Variants in N4BP2 observed in about 807,000 individuals in gnomAD.
N4BP2 encodes the protein NEDD4 binding protein 2.
A neutral mutation model predicts 152.8 loss-of-function variants in N4BP2; 91 were observed. That is an observed-to-expected ratio of 0.60 (90% CI 0.50 to 0.71). The LOEUF (loss-of-function observed/expected upper bound fraction) is 0.71. N4BP2 is among the 30% of genes least tolerant of loss of function. N4BP2 has a pLI of 0.00. For missense variants in N4BP2, 1,923 were observed against 2,059.1 expected, an observed-to-expected ratio of 0.93 and a Z score of 1.28; for synonymous variants, 646 against 705.3, an observed-to-expected ratio of 0.92 and a Z score of 1.33.
Position 40,122,253 on chromosome 4 carries a change from C to T in N4BP2, c.4142C>T (p.Pro1381Leu), listed in dbSNP as rs780894779. The change falls in exon 9 of 18, where the codon CCC becomes CTC. Residue 1381 changes from proline to leucine, a missense_variant. Pro to Leu is a moderately conservative substitution (Grantham distance 98). Coordinates refer to ENST00000261435, the MANE Select transcript of N4BP2 (RefSeq NM_018177.6). ...LTIDCLELAL[P>L]PELAFQLNEL... Reference sequence around the variant, plus strand: ...ATAGACTGTCTGGAATTGGCATTACCCCCTGAACTGGCTTTTCAACTTAAT... The same window carrying T: ...ATAGACTGTCTGGAATTGGCATTACTCCCTGAACTGGCTTTTCAACTTAAT... 3 of 1,597,884 alleles carry T rather than the reference C, an allele frequency of 1.9e-6. No individual in the cohort carries two copies. The highest frequency in any genetic ancestry group is 2.6e-6 in the Non-Finnish European group (3 of 1,171,622).
In N4BP2 at chr4:40,126,838, A is replaced by G. The variant is rs180683249; in HGVS notation, c.4527+508A>G. Among the ~76,000 whole-genome samples the G allele has an allele frequency of 1.5e-3, 231 of 151,238 alleles. 1 individual carries two copies. Among genetic ancestry groups the G allele is most frequent in the African/African-American group, 5.4e-3 (222 of 41,166 alleles). On this transcript the variant is annotated intron_variant, in intron 12 of 17. Coordinates refer to ENST00000261435, the MANE Select transcript of N4BP2 (RefSeq NM_018177.6). ...AGTGGTGTAATCTTGGCTCACTGCA[A>G]CCTCCATCTTTCGGGTTCAAACGAT...
intron 8 of N4BP2, among the ~76,000 whole-genome samples, chr4:40,119,048 T>G (rs1717608820): frequency 6.6e-6 from 1 of 152,236 alleles, no homozygotes; most frequent in Admixed American, 6.5e-5. Flanking sequence ...GCATGGACTC[T>G]TGAGCTATAT....
intron 1 of N4BP2, chr4:40,057,306 C>T (rs1442210354): frequency 6.6e-6 from 1 of 152,562 alleles, no homozygotes; most frequent in African/African-American, 2.4e-5. Context: ...GCGGCCGCTT[C>T]CTTGGCCTCC....
the N4BP2 span, among the ~76,000 whole-genome samples, chr4:40,189,614 C>T: frequency 1.3e-5 from 2 of 152,022 alleles, no homozygotes; most frequent in South Asian, 2.1e-4. This position sits in a 1 kb window ranked among gnomAD's most constrained non-coding sequence, Gnocchi z 4.3. Flanking sequence ...TATGGCGAGG[C>T]GCGGTGGCTC....
chr4:40,177,484 C>T, the N4BP2 span, among the ~76,000 whole-genome samples: 1 of 152,166 alleles, frequency 6.6e-6, no homozygotes, highest in East Asian at 1.9e-4. Flanking sequence ...CGCATGGTGG[C>T]AGGTGCCTGT....
chr4:40,060,526 T>G (rs1348504059), intron 1 of N4BP2, among the ~76,000 whole-genome samples: 8 of 152,102 alleles, frequency 5.3e-5, no homozygotes, highest in Non-Finnish European at 1.2e-4. Flanking sequence ...ATTACAGGCA[T>G]GAGCCACTGT....
chr4:40,151,864 T>C (rs535810802), intron 16 of N4BP2, among the ~76,000 whole-genome samples: 3 of 152,326 alleles, frequency 2.0e-5, no homozygotes, highest in African/African-American at 7.2e-5. Context: ...GGAGATATGA[T>C]ACTTGAAAAA....
intron 1 of N4BP2, among the ~76,000 whole-genome samples, chr4:40,068,574 C>T (rs1711789647): frequency 6.6e-6 from 1 of 152,108 alleles, no homozygotes; most frequent in African/African-American, 2.4e-5. Flanking sequence ...AGAGACTCTC[C>T]TTTTCCCATT....
At chr4:40,068,235 A>G (rs576152216) in intron 1 of N4BP2, among the ~76,000 whole-genome samples, 21 of 152,280 alleles carry the variant, frequency 1.4e-4, no homozygotes, top group African/African-American at 5.1e-4. Context: ...TATCAGATGT[A>G]TGGTTTGCAA....
At chr4:40,151,972 A>G (rs1212320505) in intron 16 of N4BP2, among the ~76,000 whole-genome samples, 4 of 152,178 alleles carry the variant, frequency 2.6e-5, no homozygotes, top group African/African-American at 9.6e-5. Context: ...AATTCATCTC[A>G]TTAATAGTTT....
In N4BP2 at chr4:40,126,610, C is replaced by T. The variant is rs1377199837; in HGVS notation, c.4527+280C>T. 2.0e-5 allele frequency among the ~76,000 whole-genome samples: 3 copies of T among 151,108 alleles called. No homozygotes were observed. In the East Asian group the frequency reaches 5.8e-4, roughly 29 times the overall value. On this transcript the variant is annotated intron_variant, in intron 12 of 17. Coordinates refer to ENST00000261435, the MANE Select transcript of N4BP2 (RefSeq NM_018177.6). ...GAGCTGCATCTTTCTTTTTCTTTACCTTTTTTTTTCTTGATACATCGTCTT... is the reference window on the plus strand; with the variant it reads ...GAGCTGCATCTTTCTTTTTCTTTACTTTTTTTTTTCTTGATACATCGTCTT...
chr4:40,125,223 A>C (rs1244173014), intron 11 of N4BP2, among the ~76,000 whole-genome samples: 1 of 152,182 alleles, frequency 6.6e-6, no homozygotes, highest in African/African-American at 2.4e-5. Flanking sequence ...TGCAAATGCC[A>C]GTGTCTATTG....
chr4:40,175,301 G>A, the N4BP2 span, among the ~76,000 whole-genome samples: 1 of 147,698 alleles, frequency 6.8e-6, no homozygotes, highest in African/African-American at 2.5e-5. Context: ...AGGATTATAG[G>A]CATGAGCCAC....
Position 40,140,598 on chromosome 4 carries a change from ATTTATTT to A in N4BP2, c.4786-2068_4786-2062del, listed in dbSNP as rs1331289187. ...CTTATTCTCTTTTTTTTTAAAATTA[ATTTATTT>A]TTTATTGATCATTCTTGGGTGTTTC... On this transcript the variant is annotated intron_variant, in intron 14 of 17. Transcript: ENST00000261435. Among the ~76,000 whole-genome samples the A allele has an allele frequency of 2.6e-5, 4 of 151,964 alleles. No homozygotes were observed. The East Asian group carries it at 7.7e-4, about 29-fold the overall frequency.
chr4:40,187,860 A>G, the N4BP2 span, among the ~76,000 whole-genome samples: 6,105 of 152,286 alleles, frequency 0.04, 384 homozygotes, highest in African/African-American at 0.14. Flanking sequence ...GCTTAGTTGT[A>G]TGATGGTGAT....
chr4:40,144,071 C>T (rs1720289152), intron 15 of N4BP2, among the ~76,000 whole-genome samples: 1 of 152,146 alleles, frequency 6.6e-6, no homozygotes, highest in African/African-American at 2.4e-5. Flanking sequence ...CAAGAGCCAC[C>T]AAGAGGCAGC....
At chr4:40,134,006 C>T (rs978226491) in intron 13 of N4BP2, among the ~76,000 whole-genome samples, 1 of 152,032 alleles carries the variant, frequency 6.6e-6, no homozygotes, top group African/African-American at 2.4e-5. Context: ...TGGAGTTTCA[C>T]CATGTTGCCC....
intron 13 of N4BP2, 48 bp downstream of exon 13, chr4:40,131,967 A>G (rs1323415256): frequency 1.1e-5 from 12 of 1,092,534 alleles, no homozygotes; most frequent in Non-Finnish European, 1.7e-5. Context: ...ATGTCACTGA[A>G]AGCATATGCC....
Position 40,125,258 on chromosome 4 carries a change from A to T in N4BP2, c.4331-876A>T, listed in dbSNP as rs112510955. Among the ~76,000 whole-genome samples the T allele has an allele frequency of 5.9e-3, 897 of 152,376 alleles. 9 individuals carry two copies. The highest frequency in any genetic ancestry group is 0.021 in the African/African-American group (854 of 41,596). On this transcript the variant is annotated intron_variant, in intron 11 of 17. Transcript: ENST00000261435. ...GTTTCTTCACTCTCTAGGACAGCAG[A>T]GGAATGTATCAGAATGTGTTGATAC... is the stretch of plus-strand genomic sequence containing the variant.
Sources: allele counts gnomAD v4.1 joint callset (sites outside exome capture counted in the v4.1 genomes callset), GRCh38; gene constraint gnomAD v4.1.1; non-coding constraint Gnocchi (gnomAD v3.1); transcripts MANE v1.5; gene names NCBI Gene and HGNC (gene_info 2026-07-23, HGNC 2026-07-21).